RNGTT: variants seen among roughly 807,000 people sequenced by gnomAD.
RNGTT encodes RNA guanylyltransferase and 5'-phosphatase.
A neutral mutation model predicts 79.3 loss-of-function variants in RNGTT; 33 were observed. That is an observed-to-expected ratio of 0.42 (90% CI 0.32 to 0.56). RNGTT has a LOEUF of 0.56. Ranked by LOEUF, RNGTT falls within the 20% of genes least tolerant of loss-of-function variation. RNGTT has a pLI of 0.17. For synonymous variants in RNGTT, 222 were observed against 235.9 expected, an observed-to-expected ratio of 0.94 and a Z score of 0.54; for missense variants, 497 against 739.1, an observed-to-expected ratio of 0.67 and a Z score of 3.80.
In RNGTT at chr6:88,944,771, T is replaced by C. The variant is rs528123144; in HGVS notation, c.65-3591A>G. The stretch of plus-strand genomic sequence containing the variant: ...CATGTGTGAGCAAGAGTGTAGACTT[T>C]ACTTCTCTATAACTGTGCATAATTT... On this transcript the variant is annotated intron_variant, in intron 1 of 15. Coordinates refer to ENST00000369485, the MANE Select transcript of RNGTT (RefSeq NM_003800.5). Among the ~76,000 whole-genome samples, 312 of 152,330 alleles carry C rather than the reference T, an allele frequency of 2.0e-3. 1 individual carries two copies. Among genetic ancestry groups the C allele is most frequent in the Middle Eastern group, 3.4e-3 (1 of 294 alleles).
At chr6:88,772,975 T>C (rs1045873999) in intron 12 of RNGTT, among the ~76,000 whole-genome samples, 23 of 151,030 alleles carry the variant, frequency 1.5e-4, no homozygotes, top group Non-Finnish European at 2.7e-4. Flanking sequence ...ACTGGGTATA[T>C]ACCCAAAGGA....
intron 13 of RNGTT, among the ~76,000 whole-genome samples, chr6:88,716,079 C>T (rs1429725421): frequency 6.6e-6 from 1 of 151,532 alleles, no homozygotes; most frequent in Non-Finnish European, 1.5e-5. Flanking sequence ...TGACAAAGGG[C>T]TAATATCCAG....
At chr6:88,760,871 C>T (rs997453595) in intron 13 of RNGTT, among the ~76,000 whole-genome samples, 4 of 143,030 alleles carry the variant, frequency 2.8e-5, no homozygotes, top group South Asian at 4.5e-4. Flanking sequence ...CATGAGAAAA[C>T]GATTTTTTTT....
intron 13 of RNGTT, among the ~76,000 whole-genome samples, chr6:88,745,045 T>G (rs942949261): frequency 1.3e-5 from 2 of 152,144 alleles, no homozygotes; most frequent in South Asian, 4.1e-4. Flanking sequence ...CAGTGATAAT[T>G]TTTGCACGCA....
At chr6:88,622,164 T>C (rs1366449267) in intron 14 of RNGTT, among the ~76,000 whole-genome samples, 4 of 152,198 alleles carry the variant, frequency 2.6e-5, no homozygotes, top group Non-Finnish European at 5.9e-5. Flanking sequence ...AAATTTGTTG[T>C]AATTTTGTCT....
At chr6:88,888,846 A>G (rs1344253481) in intron 8 of RNGTT, among the ~76,000 whole-genome samples, 1 of 152,164 alleles carries the variant, frequency 6.6e-6, no homozygotes, top group African/African-American at 2.4e-5. Context: ...CCTGACCAAC[A>G]TGGAGAAACC....
chr6:88,879,923 A>C (rs192907700), intron 8 of RNGTT, among the ~76,000 whole-genome samples: 110 of 152,238 alleles, frequency 7.2e-4, no homozygotes, highest in Admixed American at 3.2e-3. Flanking sequence ...CACCCACCAA[A>C]TGTTATTGAA....
intron 13 of RNGTT, among the ~76,000 whole-genome samples, chr6:88,699,916 G>C (rs1226655115): frequency 6.6e-6 from 1 of 152,190 alleles, no homozygotes; most frequent in African/African-American, 2.4e-5. Flanking sequence ...GTGAAGAAGA[G>C]AGAGGAATGA....
At chr6:88,718,988 A>G (rs956842599) in intron 13 of RNGTT, among the ~76,000 whole-genome samples, 3 of 152,208 alleles carry the variant, frequency 2.0e-5, no homozygotes, top group African/African-American at 7.2e-5. Context: ...ATACATATTT[A>G]GAGTTACAAA....
At chr6:88,818,921 TAAAA>T (rs1052868821) in intron 11 of RNGTT, among the ~76,000 whole-genome samples, 1 of 152,182 alleles carries the variant, frequency 6.6e-6, no homozygotes, top group Non-Finnish European at 1.5e-5. Flanking sequence ...TCATAATAAA[TAAAA>T]AGACTTCTGT....
At chr6:88,702,103 G>A (rs1440663162) in intron 13 of RNGTT, among the ~76,000 whole-genome samples, 1 of 148,936 alleles carries the variant, frequency 6.7e-6, no homozygotes, top group Non-Finnish European at 1.5e-5. Context: ...ATGCTCACAG[G>A]TTGAAAGAAT....
At chr6:88,950,683 T>G (rs1785213152) in intron 1 of RNGTT, among the ~76,000 whole-genome samples, 1 of 151,966 alleles carries the variant, frequency 6.6e-6, no homozygotes, top group African/African-American at 2.4e-5. Flanking sequence ...AGCCTGAAAG[T>G]TAGCCAGGCA....
At chr6:88,657,331 C>T (rs1354257672) in intron 14 of RNGTT, among the ~76,000 whole-genome samples, 1 of 152,108 alleles carries the variant, frequency 6.6e-6, no homozygotes, top group Non-Finnish European at 1.5e-5. Flanking sequence ...GAGGAAAATA[C>T]TAAAGTAGAA....
chr6:88,939,666 G>A (rs563380064), intron 2 of RNGTT, among the ~76,000 whole-genome samples: 1 of 151,970 alleles, frequency 6.6e-6, no homozygotes, highest in African/African-American at 2.4e-5. Flanking sequence ...ATCTGCTGCT[G>A]AAGGATTATT....
intron 13 of RNGTT, among the ~76,000 whole-genome samples, chr6:88,739,726 TATATATATATATATATA>T (rs2127824296): frequency 5.2e-4 from 1 of 1,916 alleles, no homozygotes; most frequent in South Asian, 0.013. Context: ...TGAAAAAAAT[TATATATATATATATATA>T]TATATATATA....
At chr6:88,793,790 T>A (rs578003849) in intron 12 of RNGTT, among the ~76,000 whole-genome samples, 1 of 152,256 alleles carries the variant, frequency 6.6e-6, no homozygotes, top group South Asian at 2.1e-4. Flanking sequence ...AGAAAGACTC[T>A]GTCTCCCCCA....
intron 1 of RNGTT, among the ~76,000 whole-genome samples, chr6:88,957,899 A>G (rs1296588578): frequency 6.6e-6 from 1 of 152,184 alleles, no homozygotes; most frequent in African/African-American, 2.4e-5. Context: ...TCATTGAACC[A>G]AAAAAGAGCC....
intron 13 of RNGTT, among the ~76,000 whole-genome samples, chr6:88,765,021 T>A (rs1778409059): frequency 6.6e-6 from 1 of 151,768 alleles, no homozygotes; most frequent in Admixed American, 6.6e-5. Flanking sequence ...TGAAACCCCG[T>A]CTCTACTAAA....
chr6:88,699,877 T>C (rs114997574), intron 13 of RNGTT, among the ~76,000 whole-genome samples: 3,132 of 152,184 alleles, frequency 0.021, 122 homozygotes, highest in African/African-American at 0.07. Flanking sequence ...AACTCACAAA[T>C]TCAGAAAATA....
Sources: allele counts gnomAD v4.1 joint callset (sites outside exome capture counted in the v4.1 genomes callset), GRCh38; gene constraint gnomAD v4.1.1; transcripts MANE v1.5; gene names NCBI Gene and HGNC (gene_info 2026-07-23, HGNC 2026-07-21).